Variants in PPP4R4 observed in about 807,000 individuals in gnomAD.
PPP4R4 encodes protein phosphatase 4 regulatory subunit 4, also known as serine/threonine-protein phosphatase 4 regulatory subunit 4.
Under a neutral mutation model 121.8 loss-of-function variants are expected in PPP4R4, and 70 were observed. That is an observed-to-expected ratio of 0.57 (90% CI 0.47 to 0.70). PPP4R4 has a LOEUF of 0.70. Among genes scored for constraint, PPP4R4 ranks in the 30% least tolerant of loss-of-function variants. The pLI, the probability that PPP4R4 is intolerant of heterozygous loss-of-function variation, is 0.00. For synonymous variants in PPP4R4, 348 were observed against 355.7 expected (o/e 0.98, Z 0.24); for missense variants, 875 against 1,033.6 (o/e 0.85, Z 2.10).
chr14:94,214,856 C>G (rs900776186), intron 3 of PPP4R4, among the ~76,000 whole-genome samples: 1 of 152,008 alleles, frequency 6.6e-6, no homozygotes, highest in Non-Finnish European at 1.5e-5. Flanking sequence ...TGACCTCATG[C>G]GATGAGGTGC....
chr14:94,251,329 C>G (rs1336193838), intron 15 of PPP4R4, among the ~76,000 whole-genome samples: 2 of 151,996 alleles, frequency 1.3e-5, no homozygotes, highest in Non-Finnish European at 1.5e-5. Flanking sequence ...TGAATTCTAG[C>G]TCTGCACCTG....
At chr14:94,254,027 C>A (rs1893331498) in intron 16 of PPP4R4, among the ~76,000 whole-genome samples, 1 of 152,176 alleles carries the variant, frequency 6.6e-6, no homozygotes, top group Non-Finnish European at 1.5e-5. Flanking sequence ...AGCCAAGTTA[C>A]AAAACTTCTG....
intron 2 of PPP4R4, among the ~76,000 whole-genome samples, chr14:94,184,665 GTCTT>G (rs1182046492): frequency 6.6e-6 from 1 of 152,154 alleles, no homozygotes; most frequent in African/African-American, 2.4e-5. Context: ...GTATTATAGT[GTCTT>G]TCATTGACTA....
chr14:94,210,630 G>A (rs933539187), intron 3 of PPP4R4, among the ~76,000 whole-genome samples: 3 of 152,052 alleles, frequency 2.0e-5, no homozygotes, highest in Non-Finnish European at 2.9e-5. Flanking sequence ...AAGAGATGCC[G>A]AAAAGGTAGA....
intron 22 of PPP4R4, among the ~76,000 whole-genome samples, chr14:94,266,204 T>A (rs985687542): frequency 3.9e-5 from 6 of 152,152 alleles, no homozygotes; most frequent in African/African-American, 1.4e-4. Context: ...TTAATACGTA[T>A]GAGTATGTTC....
At chr14:94,229,176 AAC>A (rs981744695) in intron 3 of PPP4R4, among the ~76,000 whole-genome samples, 7 of 152,172 alleles carry the variant, frequency 4.6e-5, no homozygotes, top group African/African-American at 1.4e-4. Context: ...ATAGTAGAGG[AAC>A]AGTGATGGAA....
chr14:94,241,273 ATATAT>A (rs1892620194), intron 9 of PPP4R4, among the ~76,000 whole-genome samples: 2 of 152,060 alleles, frequency 1.3e-5, no homozygotes, highest in African/African-American at 4.8e-5. Flanking sequence ...ACTCGTAACA[ATATAT>A]TATGAGTTTC....
At chr14:94,230,096 AGTT>A (rs1891930909) in intron 3 of PPP4R4, among the ~76,000 whole-genome samples, 1 of 152,248 alleles carries the variant, frequency 6.6e-6, no homozygotes. Context: ...TGTTCTCTTC[AGTT>A]GTTTAAAGGG....
intron 2 of PPP4R4, among the ~76,000 whole-genome samples, chr14:94,203,157 C>G (rs970812977): frequency 4.6e-5 from 7 of 152,178 alleles, no homozygotes; most frequent in Non-Finnish European, 1.0e-4. Flanking sequence ...CATGGGATCT[C>G]TCACATTACA....
In PPP4R4 at chr14:94,242,356, GCCATGA is replaced by G; in HGVS notation, c.1217_1222del (p.His406_Asp407del). ...CTCTATTCTACATTCTTCTGCCTTT[GCCATGA>G]CCCTGAAGTACCAGTCAGATACACT... On this transcript the variant is annotated inframe_deletion, in exon 11 of 25. Coordinates refer to ENST00000304338, the MANE Select transcript of PPP4R4 (RefSeq NM_058237.2). 6.2e-7 allele frequency: 1 copy of G among 1,609,652 alleles called. No individual in the cohort carries two copies. Among genetic ancestry groups the G allele is most frequent in the Non-Finnish European group, 8.5e-7 (1 of 1,176,554 alleles).
chr14:94,249,094 G>T (rs748140647), intron 14 of PPP4R4, among the ~76,000 whole-genome samples: 13 of 151,666 alleles, frequency 8.6e-5, no homozygotes, highest in East Asian at 1.9e-4. Flanking sequence ...TTTATATGAG[G>T]TACAAAATAT....
At chr14:94,181,987 C>T (rs1362101330) in intron 2 of PPP4R4, among the ~76,000 whole-genome samples, 2 of 152,174 alleles carry the variant, frequency 1.3e-5, no homozygotes, top group South Asian at 2.1e-4. Context: ...CTATTAGCGA[C>T]GAGCTTTCAG....
intron 2 of PPP4R4, among the ~76,000 whole-genome samples, chr14:94,186,404 A>G (rs1889285680): frequency 6.6e-6 from 1 of 152,136 alleles, no homozygotes; most frequent in South Asian, 2.1e-4. Context: ...TATTTTGTAG[A>G]TTATCTTTGA....
intron 3 of PPP4R4, among the ~76,000 whole-genome samples, chr14:94,210,056 T>A (rs1485660712): frequency 7.2e-5 from 11 of 151,976 alleles, no homozygotes; most frequent in South Asian, 4.2e-4. Context: ...CACTTTTTTT[T>A]ATTTTCTTAC....
chr14:94,206,218 C>T (rs919705992), intron 2 of PPP4R4, among the ~76,000 whole-genome samples: 2 of 151,814 alleles, frequency 1.3e-5, no homozygotes, highest in Admixed American at 1.3e-4. Context: ...TATAATGTCC[C>T]TGTCTGTCTC....
At chr14:94,201,785 A>G (rs1400848857) in intron 2 of PPP4R4, among the ~76,000 whole-genome samples, 2 of 152,074 alleles carry the variant, frequency 1.3e-5, no homozygotes, top group African/African-American at 2.4e-5. Flanking sequence ...TTCTGTACCT[A>G]CTAGGTGTCT....
chr14:94,241,678 C>T, intron 9 of PPP4R4, 110 bp from the exon 10 acceptor site: 2 of 766,048 alleles, frequency 2.6e-6, no homozygotes, highest in South Asian at 2.1e-5. Flanking sequence ...TATCTGTAAC[C>T]ATTTATTTAA....
chr14:94,215,554 G>A (rs1890977507), intron 3 of PPP4R4, among the ~76,000 whole-genome samples: 1 of 152,116 alleles, frequency 6.6e-6, no homozygotes, highest in South Asian at 2.1e-4. Context: ...CTGATAGGAA[G>A]GAATGTAAAT....
At chr14:94,205,014 T>A (rs1595470785) in intron 2 of PPP4R4, among the ~76,000 whole-genome samples, 1 of 152,216 alleles carries the variant, frequency 6.6e-6, no homozygotes, top group Non-Finnish European at 1.5e-5. Context: ...AAAATTTTGT[T>A]AAATATTTTT....
Sources: allele counts gnomAD v4.1 joint callset (sites outside exome capture counted in the v4.1 genomes callset), GRCh38; gene constraint gnomAD v4.1.1; transcripts MANE v1.5; gene names NCBI Gene and HGNC (gene_info 2026-07-23, HGNC 2026-07-21).